Variants in WDR70 observed in about 807,000 individuals in gnomAD.
WDR70 encodes the protein WD repeat domain 70.
In WDR70, 53 loss-of-function variants were observed where a neutral mutation model predicts 88.6. The ratio of observed to expected loss-of-function variants is 0.60; its 90% CI spans 0.48 to 0.75. The LOEUF is 0.75. Among genes scored for constraint, WDR70 ranks in the 30% least tolerant of loss-of-function variants. The probability of loss-of-function intolerance (pLI) is 0.00; values close to 1 mark genes in which losing one functional copy is unlikely to be tolerated. For synonymous variants in WDR70, 280 were observed against 270.0 expected (o/e 1.04, Z -0.36); for missense variants, 610 against 823.2 (o/e 0.74, Z 3.17).
intron 10 of WDR70, among the ~76,000 whole-genome samples, chr5:37,606,445 A>C (rs1455761134): frequency 1.3e-5 from 2 of 152,198 alleles, no homozygotes; most frequent in African/African-American, 4.8e-5. Flanking sequence ...TTAAACACAG[A>C]AATTATAAAA....
intron 10 of WDR70, among the ~76,000 whole-genome samples, chr5:37,678,006 G>T (rs1581488131): frequency 6.6e-6 from 1 of 152,104 alleles, no homozygotes; most frequent in Admixed American, 6.5e-5. Flanking sequence ...TGTCTCTTTT[G>T]ATCTTTGTTG....
intron 5 of WDR70, among the ~76,000 whole-genome samples, chr5:37,414,448 A>C (rs1030975623): frequency 2.6e-5 from 4 of 152,070 alleles, no homozygotes; most frequent in Non-Finnish European, 5.9e-5. Context: ...CTCAAGTGTT[A>C]CCTTCTCTGT....
intron 10 of WDR70, among the ~76,000 whole-genome samples, chr5:37,606,263 G>C (rs1165250191): frequency 6.6e-6 from 1 of 152,066 alleles, no homozygotes; most frequent in Non-Finnish European, 1.5e-5. Flanking sequence ...AATATCTTTG[G>C]CATTTTCTGT....
At chr5:37,505,769 G>A in intron 8 of WDR70, 1 of 1,396,324 alleles carries the variant, frequency 7.2e-7, no homozygotes, top group Non-Finnish European at 1.0e-6. Flanking sequence ...CTCTCAAGTT[G>A]GCTTCTTGAA....
chr5:37,628,561 A>G (rs1744733004), intron 10 of WDR70, among the ~76,000 whole-genome samples: 1 of 152,198 alleles, frequency 6.6e-6, no homozygotes, highest in African/African-American at 2.4e-5. Context: ...ATGTGCATGT[A>G]ATACTTTCAG....
chr5:37,398,159 G>T (rs1258953101), intron 5 of WDR70, among the ~76,000 whole-genome samples: 1 of 136,462 alleles, frequency 7.3e-6, no homozygotes, highest in Non-Finnish European at 1.5e-5. Context: ...CGCCATCTCC[G>T]CTCACTGCAA....
chr5:37,541,186 C>T, intron 9 of WDR70, among the ~76,000 whole-genome samples: 1 of 152,152 alleles, frequency 6.6e-6, no homozygotes, highest in East Asian at 1.9e-4. Context: ...GTGACTTAAC[C>T]CATTTTCACT....
At chr5:37,607,080 A>G (rs1475290690) in intron 10 of WDR70, among the ~76,000 whole-genome samples, 2 of 150,854 alleles carry the variant, frequency 1.3e-5, no homozygotes, top group Non-Finnish European at 3.0e-5. Context: ...TTGGGATTAC[A>G]TACAGGCCTG....
rs1171474342 is a variant in WDR70, at chr5:37,443,272, C to T, written c.586C>T (p.Arg196Cys). 6.2e-7 allele frequency: 1 copy of T among 1,613,196 alleles called. No homozygotes were observed. ...SALGLDPSGA[R>C]LVTGGYDYDV... Reference sequence around the variant, plus strand: ...TTTGGGTCTGGATCCCTCAGGTGCCCGTTTGGTGACAGGAGGATATGACTA... The same window carrying T: ...TTTGGGTCTGGATCCCTCAGGTGCCTGTTTGGTGACAGGAGGATATGACTA... Residue 196 changes from arginine (R) to cysteine (C), a missense_variant, in exon 7 of 18, where the codon CGT (arginine) becomes TGT (cysteine). Physicochemically the swap from Arg to Cys is radical, Grantham distance 180. Coordinates refer to ENST00000265107, the MANE Select transcript of WDR70 (RefSeq NM_018034.4).
rs140046792 is a variant in WDR70, at chr5:37,406,427, C to G, written c.492+9857C>G. Reference sequence around the variant, plus strand: ...TAGAAAAAGGAGCAAAATACAGATACAGGGATGCAATATAGAATCGTGATT... The same window carrying G: ...TAGAAAAAGGAGCAAAATACAGATAGAGGGATGCAATATAGAATCGTGATT... On this transcript the variant is annotated intron_variant, in intron 5 of 17. Coordinates refer to ENST00000265107, the MANE Select transcript of WDR70 (RefSeq NM_018034.4). Among the ~76,000 whole-genome samples the G allele has an allele frequency of 8.1e-4, 123 of 152,336 alleles. 1 individual carries two copies. In the East Asian group the frequency reaches 0.013, roughly 17 times the overall value.
intron 9 of WDR70, among the ~76,000 whole-genome samples, chr5:37,600,475 C>T (rs184328121): frequency 9.1e-4 from 125 of 137,308 alleles, no homozygotes; most frequent in African/African-American, 3.3e-3. Context: ...TGCAGTGAGC[C>T]GAGATTGCGC....
intron 10 of WDR70, among the ~76,000 whole-genome samples, chr5:37,687,020 T>C (rs557588771): frequency 4.6e-5 from 7 of 151,848 alleles, no homozygotes; most frequent in Non-Finnish European, 8.8e-5. Flanking sequence ...CAATCTCAGC[T>C]TCCTAAAGAA....
intron 10 of WDR70, among the ~76,000 whole-genome samples, chr5:37,673,672 A>G (rs1207072008): frequency 1.5e-5 from 2 of 134,102 alleles, no homozygotes; most frequent in Non-Finnish European, 3.0e-5. Flanking sequence ...TACATAGGTA[A>G]ATATGTGCCA....
intron 10 of WDR70, among the ~76,000 whole-genome samples, chr5:37,618,421 T>G (rs947350759): frequency 1.3e-4 from 20 of 152,108 alleles, no homozygotes; most frequent in Admixed American, 8.5e-4. Context: ...CAGGCTGGAG[T>G]GCAGTGGCTC....
rs1195020065 is a variant in WDR70, at chr5:37,605,136, C to T, written c.990C>T (p.Gly330=). Residue 330 remains glycine (G), a synonymous_variant, in exon 10 of 18, where the codon GGC becomes GGT. Transcript: ENST00000265107. The part of the protein sequence containing the change: ...KSVFKPRTMQ[G]KKVIPTTCTY... ...TGTTTAAACCACGGACGATGCAAGG[C>T]AAAAAAGTCATTCCCACTACGTGCA... 5 of 1,612,708 alleles carry T rather than the reference C, an allele frequency of 3.1e-6. No homozygotes were observed. The highest frequency in any genetic ancestry group is 3.4e-6 in the Non-Finnish European group (4 of 1,179,298).
chr5:37,546,857 C>T (rs1333021986), intron 9 of WDR70, among the ~76,000 whole-genome samples: 2 of 151,188 alleles, frequency 1.3e-5, no homozygotes, highest in South Asian at 2.1e-4. Flanking sequence ...GGCAGAGTTG[C>T]AGTGAGCTGA....
chr5:37,523,034 T>C (rs886893817), intron 9 of WDR70, among the ~76,000 whole-genome samples: 1 of 152,196 alleles, frequency 6.6e-6, no homozygotes, highest in Non-Finnish European at 1.5e-5. Context: ...TGCCTGCCTC[T>C]GTAGACTCCA....
intron 7 of WDR70, among the ~76,000 whole-genome samples, chr5:37,472,557 C>T (rs546161156): frequency 1.3e-5 from 2 of 152,078 alleles, no homozygotes; most frequent in South Asian, 2.1e-4. Context: ...TGCAGTGGCA[C>T]GATCTTGGCT....
At chr5:37,469,594 A>C (rs1434647499) in intron 7 of WDR70, among the ~76,000 whole-genome samples, 1 of 152,192 alleles carries the variant, frequency 6.6e-6, no homozygotes, top group African/African-American at 2.4e-5. Context: ...AGTAATAGTT[A>C]ATGGAGCCAG....
Sources: allele counts gnomAD v4.1 joint callset (sites outside exome capture counted in the v4.1 genomes callset), GRCh38; gene constraint gnomAD v4.1.1; transcripts MANE v1.5; gene names NCBI Gene and HGNC (gene_info 2026-07-23, HGNC 2026-07-21).